The following FHIT variants were observed in gnomAD, a reference collection of about 807,000 sequenced individuals.
FHIT encodes the protein bis(5'-adenosyl)-triphosphatase.
Under a neutral mutation model 17.9 loss-of-function variants are expected in FHIT, and 19 were observed. The ratio of observed to expected loss-of-function variants is 1.06; its 90% confidence interval spans 0.74 to 1.56. The LOEUF is 1.56. Among genes scored for constraint, FHIT ranks in the 40% most tolerant of loss-of-function variants. The probability of loss-of-function intolerance (pLI) is 0.00; values close to 1 mark genes in which losing one functional copy is unlikely to be tolerated. For missense variants in FHIT, 248 were observed against 189.2 expected (o/e 1.31, Z -1.82); for synonymous variants, 81 against 69.7 (o/e 1.16, Z -0.81).
intron 5 of FHIT, among the ~76,000 whole-genome samples, chr3:60,246,446 A>G (rs926458857): frequency 3.4e-4 from 51 of 152,102 alleles, no homozygotes; most frequent in African/African-American, 1.2e-3. Flanking sequence ...CATTCGTATC[A>G]AATGTCCCGT....
In FHIT at chr3:60,822,166, G is replaced by T. The variant is rs72886226; in HGVS notation, c.-110-155C>A. On this transcript the variant is annotated intron_variant, in intron 3 of 9. Transcript: ENST00000492590. The stretch of plus-strand genomic sequence containing the variant: ...TGAAGGTACATATGTGATTTTTGCA[G>T]GCATTGTCATTAATCTGTACATTGG... Among the ~76,000 whole-genome samples the T allele has an allele frequency of 5.6e-3, 850 of 152,278 alleles. 9 individuals carry two copies. The highest frequency in any genetic ancestry group is 0.019 in the African/African-American group (806 of 41,554).
At chr3:59,769,917 C>A (rs1226808622) in intron 8 of FHIT, among the ~76,000 whole-genome samples, 2 of 152,136 alleles carry the variant, frequency 1.3e-5, no homozygotes, top group African/African-American at 4.8e-5. Context: ...TAAATTCAAA[C>A]TGAGGAGAAA....
chr3:59,957,126 G>A (rs749003774), intron 7 of FHIT, among the ~76,000 whole-genome samples: 1 of 152,212 alleles, frequency 6.6e-6, no homozygotes, highest in Non-Finnish European at 1.5e-5. Flanking sequence ...TTATGTTGAA[G>A]CCCTCATCCC....
At chr3:60,342,550 C>A (rs1373447848) in intron 5 of FHIT, among the ~76,000 whole-genome samples, 2 of 152,146 alleles carry the variant, frequency 1.3e-5, no homozygotes, top group Non-Finnish European at 2.9e-5. Flanking sequence ...ATTGAATATT[C>A]TTCTCTTCTG....
chr3:61,244,133 G>A (rs1296843121), intron 1 of FHIT: 1 of 152,032 alleles, frequency 6.6e-6, no homozygotes, highest in African/African-American at 2.4e-5. Flanking sequence ...TTCAATCTTA[G>A]ATGCACTTTA....
chr3:60,842,626 AG>A lies in FHIT; in HGVS notation c.-110-20616del, dbSNP rs1702768218. 2.7e-3 allele frequency among the ~76,000 whole-genome samples: 214 copies of A among 79,090 alleles called. 4 individuals carry two copies. The highest frequency in any genetic ancestry group is 8.0e-3 in the African/African-American group (153 of 19,008). 51.9% of individuals were successfully genotyped at this position (79,090 alleles called of 152,430 possible). A position where few individuals can be genotyped will look rare whatever the true frequency, so the allele number is the denominator to read the frequency against. ...GTATATATATATACATATATATATG[AG>A]TGTATATATATATATATATTTTTTT... On this transcript the variant is annotated intron_variant, in intron 3 of 9. Coordinates refer to ENST00000492590, the MANE Select transcript of FHIT (RefSeq NM_002012.4).
intron 5 of FHIT, among the ~76,000 whole-genome samples, chr3:60,187,276 T>C (rs1702197446): frequency 6.6e-6 from 1 of 152,138 alleles, no homozygotes. Context: ...TTAAATTGGC[T>C]TCACAAAATA....
At chr3:60,648,971 G>A (rs1434853810) in intron 4 of FHIT, among the ~76,000 whole-genome samples, 1 of 152,120 alleles carries the variant, frequency 6.6e-6, no homozygotes, top group Non-Finnish European at 1.5e-5. Flanking sequence ...CATTGTGTAT[G>A]CCTGTGTTTA....
chr3:60,267,023 T>G (rs1221445324), intron 5 of FHIT, among the ~76,000 whole-genome samples: 1 of 152,062 alleles, frequency 6.6e-6, no homozygotes, highest in East Asian at 1.9e-4. Flanking sequence ...GAATATTAAT[T>G]TCATCAAATT....
chr3:60,485,729 T>C (rs2033810241), intron 5 of FHIT, among the ~76,000 whole-genome samples: 1 of 152,070 alleles, frequency 6.6e-6, no homozygotes, highest in African/African-American at 2.4e-5. Context: ...CGTATACCTA[T>C]GTAACAAACC....
chr3:59,891,619 C>T (rs1373946266), intron 8 of FHIT, among the ~76,000 whole-genome samples: 1 of 152,200 alleles, frequency 6.6e-6, no homozygotes, highest in South Asian at 2.1e-4. Context: ...ATATTCTGAA[C>T]CTTGCTGACG....
intron 3 of FHIT, among the ~76,000 whole-genome samples, chr3:60,836,369 T>G (rs1306922218): frequency 1.1e-4 from 17 of 152,204 alleles, no homozygotes; most frequent in Non-Finnish European, 4.4e-5. Flanking sequence ...CTTTAAATGT[T>G]TGGTAAAATT....
rs142264597 is a variant in FHIT at position 59,965,308 on chromosome 3, T to C, written c.280-42894A>G. 1.9e-4 allele frequency among the ~76,000 whole-genome samples: 29 copies of C among 152,266 alleles called. No individual in the cohort carries two copies. The East Asian group carries it at 5.2e-3, about 27-fold the overall frequency. On this transcript the variant is annotated intron_variant, in intron 7 of 9. Coordinates refer to ENST00000492590, the MANE Select transcript of FHIT (RefSeq NM_002012.4). The stretch of plus-strand genomic sequence containing the variant: ...AAATACAGACTCCACTCAGGAGATA[T>C]ATCTGATTTAAACACATGCATATAT...
chr3:60,708,782 G>T (rs1360181724), intron 4 of FHIT, among the ~76,000 whole-genome samples: 2 of 152,278 alleles, frequency 1.3e-5, no homozygotes, highest in Non-Finnish European at 2.9e-5. Context: ...CTTATTCCAT[G>T]GGAAAATGTT....
intron 4 of FHIT, among the ~76,000 whole-genome samples, chr3:60,569,764 T>A (rs2037307787): frequency 7.1e-6 from 1 of 141,444 alleles, no homozygotes; most frequent in Admixed American, 7.2e-5. Flanking sequence ...TATTTTTTTT[T>A]TTTTTAGACA....
At chr3:59,825,678 T>A (rs1700952586) in intron 8 of FHIT, among the ~76,000 whole-genome samples, 2 of 152,188 alleles carry the variant, frequency 1.3e-5, no homozygotes, top group African/African-American at 4.8e-5. Flanking sequence ...ATCTTACACA[T>A]TACTGAAGCC....
intron 8 of FHIT, among the ~76,000 whole-genome samples, chr3:59,844,709 G>A (rs1246713042): frequency 1.3e-5 from 2 of 152,136 alleles, no homozygotes; most frequent in East Asian, 1.9e-4. Flanking sequence ...ATATACCGGT[G>A]AGTTTGGTTT....
chr3:60,001,723 T>C (rs1427403254), intron 7 of FHIT, among the ~76,000 whole-genome samples: 1 of 152,176 alleles, frequency 6.6e-6, no homozygotes, highest in African/African-American at 2.4e-5. Flanking sequence ...TCCCGTGCTC[T>C]GAGTTTCTTC....
chr3:60,132,153 T>G (rs895123261), intron 5 of FHIT, among the ~76,000 whole-genome samples: 5 of 152,186 alleles, frequency 3.3e-5, no homozygotes, highest in Non-Finnish European at 7.3e-5. Flanking sequence ...TTATTTAGTC[T>G]GACCCAAGCC....
Sources: allele counts gnomAD v4.1 joint callset (sites outside exome capture counted in the v4.1 genomes callset), GRCh38; gene constraint gnomAD v4.1.1; transcripts MANE v1.5; gene names NCBI Gene and HGNC (gene_info 2026-07-23, HGNC 2026-07-21).